Variants in MSH5 observed in about 807,000 individuals in gnomAD.
MSH5 encodes the protein mutS homolog 5.
MSH5 carries 78 observed loss-of-function variants against 107.7 expected under a neutral mutation model. That is an observed-to-expected ratio of 0.72 (90% CI 0.60 to 0.87). The LOEUF (loss-of-function observed/expected upper bound fraction) is 0.87, where lower values mean the gene tolerates loss of function less well. Ranked by LOEUF, MSH5 falls within the 40% of genes least tolerant of loss-of-function variation. The pLI is 0.00. For missense variants in MSH5, 889 were observed against 1,046.6 expected (o/e 0.85, Z 2.08); for synonymous variants, 326 against 399.5 (o/e 0.82, Z 2.19).
rs781722609 is a variant in MSH5, at chr6:31,762,165, AAAG to A, written c.2379_2381del (p.Lys793del). 1.2e-6 allele frequency: 2 copies of A among 1,614,182 alleles called. No homozygotes were observed. The highest frequency in any genetic ancestry group is 1.6e-4 in the Middle Eastern group (1 of 6,062). ...CCATCAAGCCTGTCAAGGATTTGCT[AAAG>A]AAGAACCAAATGGAAAAGTGCGTAT... On this transcript the variant is annotated inframe_deletion, in exon 24 of 25. Coordinates refer to ENST00000375750, the MANE Select transcript of MSH5 (RefSeq NM_172166.4).
At position 31,758,484 on chromosome 6, in the gene MSH5, C is replaced by T; in HGVS notation, c.1144-64C>T. The T allele has an allele frequency of 5.6e-6, 9 of 1,594,404 alleles. No homozygotes were observed. Among genetic ancestry groups the T allele is most frequent in the Non-Finnish European group, 6.9e-6 (8 of 1,163,864 alleles). ...GAGGACTGCAGGGAGAATTGGGGCCCAAGGAGAGCTGAGGAACAGGACAGA... is the reference window on the plus strand; with the variant it reads ...GAGGACTGCAGGGAGAATTGGGGCCTAAGGAGAGCTGAGGAACAGGACAGA... On this transcript the variant is annotated intron_variant, in intron 13 of 24. Transcript: ENST00000375750. This position sits in a 1 kb window ranked among gnomAD's most constrained non-coding sequence, Gnocchi z 5.1.
chr6:31,743,161 G>A lies in MSH5; in HGVS notation c.406G>A (p.Val136Met). 2 of 1,612,888 alleles carry A rather than the reference G, an allele frequency of 1.2e-6. No individual in the cohort carries two copies. Among genetic ancestry groups the A allele is most frequent in the Non-Finnish European group, 1.7e-6 (2 of 1,179,908 alleles). The stretch of plus-strand genomic sequence containing the variant: ...ACCTGAAATCATATTTTTGCCAAGT[G>A]TGGATTTTGGTATCTCCTTCCTTTT... ...KRPEIIFLPSVDFGLEISKQR... is the reference protein window; with the variant it reads ...KRPEIIFLPSMDFGLEISKQR... The change falls in exon 5 of 25, where the codon GTG becomes ATG. Residue 136 changes from valine to methionine, a missense_variant. By Grantham distance (21) the Val-to-Met change is conservative (BLOSUM62 1). This residue lies in a region of MSH5 where 518 missense variants were observed against 565.0 expected (regional missense o/e 0.92). Coordinates refer to ENST00000375750, the MANE Select transcript of MSH5 (RefSeq NM_172166.4).
At chr6:31,762,029 C>T in intron 23 of MSH5, 74 bp downstream of exon 23, 2 of 1,612,364 alleles carry the variant, frequency 1.2e-6, no homozygotes, top group Non-Finnish European at 1.7e-6. Context: ...GGGCCTGGGT[C>T]TAGGTCCACA....
Position 31,759,713 on chromosome 6 carries a change from C to T in MSH5, c.1496-73C>T. 6.5e-7 allele frequency: 1 copy of T among 1,544,418 alleles called. No individual in the cohort carries two copies. Among genetic ancestry groups the T allele is most frequent in the South Asian group, 1.2e-5 (1 of 86,384 alleles). ...GTATCTGCAACCTGTTTCCAGATCC[C>T]CCTAGGGGCCTCTGCCTCTCCTTCA... On this transcript the variant is annotated intron_variant, in intron 17 of 24. Coordinates refer to ENST00000375750, the MANE Select transcript of MSH5 (RefSeq NM_172166.4). The surrounding 1 kb of genome is among the most constrained non-coding windows in gnomAD (Gnocchi z 4.7).
intron 12 of MSH5, chr6:31,757,785 T>G (rs775844438): frequency 6.5e-4 from 178 of 275,146 alleles, no homozygotes; most frequent in Non-Finnish European, 1.0e-3. Context: ...TTCTCCTGCC[T>G]CAGCCTCCCA....
Position 31,743,946 on chromosome 6 carries a change from C to T in MSH5, c.458C>T (p.Ser153Phe). The T allele has an allele frequency of 1.9e-6, 3 of 1,613,668 alleles. No individual in the cohort carries two copies. The highest frequency in any genetic ancestry group is 1.3e-5 in the African/African-American group (1 of 75,046). The stretch of plus-strand genomic sequence containing the variant: ...CAACGCCTCCTTTCTGGAAACTACT[C>T]CTTCATCCCAGACGCCATGACTGCC... Reference protein sequence around the residue: ...SKQRLLSGNYSFIPDAMTATE... With the variant: ...SKQRLLSGNYFFIPDAMTATE... Residue 153 changes from serine (S) to phenylalanine (F), a missense_variant, in exon 6 of 25, where the codon TCC becomes TTC. By Grantham distance (155) the Ser-to-Phe change is radical. Coordinates refer to ENST00000375750, the MANE Select transcript of MSH5 (RefSeq NM_172166.4).
chr6:31,744,459 G>C (rs1809222799), intron 7 of MSH5, 87 bp from the exon 8 acceptor site: 5 of 1,563,242 alleles, frequency 3.2e-6, no homozygotes, highest in Non-Finnish European at 4.4e-6. Flanking sequence ...GAAGAAGACT[G>C]GGACAATATT....
chr6:31,740,498 C>A lies in MSH5; in HGVS notation c.32C>A (p.Thr11Lys). The A allele has an allele frequency of 6.4e-7, 1 of 1,568,782 alleles. No homozygotes were observed. The highest frequency in any genetic ancestry group is 1.4e-5 in the African/African-American group (1 of 73,438). Residue 11 changes from threonine to lysine, a missense_variant, in exon 2 of 25, where the codon ACA becomes AAA. Transcript: ENST00000375750. This position sits in a 1 kb window ranked among gnomAD's most constrained non-coding sequence, Gnocchi z 4.4. ...TCCTTAGGAGCGAACCCAAGGAGGA[C>A]ACCGCAGGGACCGAGACCTGGGGCG... MASLGANPRR[T>K]PQGPRPGAAS... is the part of the protein sequence containing the mutation.
At position 31,743,952 on chromosome 6, in the gene MSH5, T is replaced by A; in HGVS notation, c.464T>A (p.Ile155Asn). Residue 155 changes from isoleucine (I) to asparagine (N), a missense_variant, in exon 6 of 25, where the codon ATC becomes AAC. Physicochemically the swap from Ile to Asn is moderately radical, Grantham distance 149. Around this residue, in one of 3 missense-constraint regions of MSH5, gnomAD observed 518 missense variants for 565.0 expected, o/e 0.92. Transcript: ENST00000375750. ...QRLLSGNYSFIPDAMTATEKI... is the reference protein window; with the variant it reads ...QRLLSGNYSFNPDAMTATEKI... ...CTCCTTTCTGGAAACTACTCCTTCA[T>A]CCCAGACGCCATGACTGCCACTGAG... The A allele has an allele frequency of 6.2e-7, 1 of 1,613,706 alleles. No homozygotes were observed. The highest frequency in any genetic ancestry group is 2.2e-5 in the East Asian group (1 of 44,884).
chr6:31,759,237 G>A lies in MSH5; in HGVS notation c.1407+60G>A, dbSNP rs1810743828. ...GGAAAATGAGTCAGCAGCTGAGGAA[G>A]AGCGTTACTCTACAGCAGCACTGCC... On this transcript the variant is annotated intron_variant, in intron 16 of 24. Transcript: ENST00000375750. This position sits in a 1 kb window ranked among gnomAD's most constrained non-coding sequence, Gnocchi z 4.7. 4 of 1,498,216 alleles carry A rather than the reference G, an allele frequency of 2.7e-6. No homozygotes were observed. Among genetic ancestry groups the A allele is most frequent in the Middle Eastern group, 3.4e-4 (2 of 5,834 alleles). 92.8% of individuals were successfully genotyped at this position (1,498,216 alleles called of 1,614,324 possible). A position where few individuals can be genotyped will look rare whatever the true frequency, so the allele number is the denominator to read the frequency against.
chr6:31,762,569 C>CG lies in MSH5; in HGVS notation c.*40dup. 7.5e-7 allele frequency: 1 copy of CG among 1,333,044 alleles called. No individual in the cohort carries two copies. The highest frequency in any genetic ancestry group is 1.2e-5 in the South Asian group (1 of 84,154). The allele number at this position is 1,333,044 out of a possible 1,614,324, so 82.6% of individuals were successfully genotyped here. A position where few individuals can be genotyped will look rare whatever the true frequency, so the allele number is the denominator to read the frequency against. ...TGTCCTCCCCAGCCTCCTGAGACTC[C>CG]GGTGGGCTGCCATGCCCTCTTTGTT... On this transcript the variant is annotated 3_prime_UTR_variant, in exon 25 of 25. Coordinates refer to ENST00000375750, the MANE Select transcript of MSH5 (RefSeq NM_172166.4).
intron 12 of MSH5, chr6:31,757,046 A>G (rs1581551438): frequency 6.6e-6 from 1 of 152,292 alleles, no homozygotes; most frequent in South Asian, 2.1e-4. Context: ...TGCTGCAGAA[A>G]TGAGCACCCC....
At position 31,752,077 on chromosome 6, in the gene MSH5, C is replaced by T. The variant is rs1468792940; in HGVS notation, c.813-1224C>T. ...TCCCGCCACTGTACCCTAGCCTGGGCGACAGAGCAAGACTCCATCTCAAAA... is the reference window on the plus strand; with the variant it reads ...TCCCGCCACTGTACCCTAGCCTGGGTGACAGAGCAAGACTCCATCTCAAAA... On this transcript the variant is annotated intron_variant, in intron 10 of 24. Coordinates refer to ENST00000375750, the MANE Select transcript of MSH5 (RefSeq NM_172166.4). Among the ~76,000 whole-genome samples the T allele has an allele frequency of 7.2e-5, 11 of 152,020 alleles. No individual in the cohort carries two copies. The East Asian group carries it at 1.7e-3, about 24-fold the overall frequency.
At chr6:31,752,807 T>C (rs913960340) in intron 10 of MSH5, among the ~76,000 whole-genome samples, 1 of 152,032 alleles carries the variant, frequency 6.6e-6, no homozygotes, top group East Asian at 1.9e-4. Flanking sequence ...GTGTTGACCA[T>C]TATTATGAAT....
At position 31,761,204 on chromosome 6, in the gene MSH5, A is replaced by T. The variant is rs1171491067; in HGVS notation, c.1979A>T (p.Asn660Ile). 4.3e-6 allele frequency: 7 copies of T among 1,614,020 alleles called. No homozygotes were observed. In the South Asian group the frequency reaches 7.7e-5, roughly 18 times the overall value. The change falls in exon 21 of 25, where the codon AAC (asparagine) becomes ATC (isoleucine). Residue 660 changes from asparagine to isoleucine, a missense_variant. Physicochemically the swap from Asn to Ile is moderately radical, Grantham distance 149. Coordinates refer to ENST00000375750, the MANE Select transcript of MSH5 (RefSeq NM_172166.4). The surrounding 1 kb of genome is among the most constrained non-coding windows in gnomAD (Gnocchi z 5.3). ...IDLNQVAKAV[N>I]NATAQSLVLI... ...ACCCAGCAGGTGGCGAAAGCAGTGA[A>T]CAATGCCACTGCACAGTCGCTGGTC...
At position 31,761,597 on chromosome 6, in the gene MSH5, G is replaced by T. The variant is rs1811003953; in HGVS notation, c.2163G>T (p.Gly721=). The T allele has an allele frequency of 6.2e-7, 1 of 1,613,986 alleles. No individual in the cohort carries two copies. The highest frequency in any genetic ancestry group is 1.3e-5 in the African/African-American group (1 of 74,928). Residue 721 remains glycine, a synonymous_variant, in exon 22 of 25, where the codon GGG becomes GGT. Coordinates refer to ENST00000375750, the MANE Select transcript of MSH5 (RefSeq NM_172166.4). This position sits in a 1 kb window ranked among gnomAD's most constrained non-coding sequence, Gnocchi z 5.3. ...TTCAGCTACAACTGCTGCCACAAGGGCCCCTGGTGCAGTATTTGGTGAGGA... is the reference window on the plus strand; with the variant it reads ...TTCAGCTACAACTGCTGCCACAAGGTCCCCTGGTGCAGTATTTGGTGAGGA... The part of the protein sequence containing the change: ...SLVQLQLLPQ[G]PLVQYLTMET...
At chr6:31,750,883 G>T (rs961467092) in intron 10 of MSH5, among the ~76,000 whole-genome samples, 3 of 152,198 alleles carry the variant, frequency 2.0e-5, no homozygotes, top group Non-Finnish European at 4.4e-5. Context: ...ATGTAGAAAA[G>T]AATTTGTGGG....
Position 31,741,369 on chromosome 6 carries a change from AC to A in MSH5, c.271+84del, listed in dbSNP as rs1486151074. 1.9e-3 allele frequency: 2,421 copies of A among 1,307,166 alleles called. 50 individuals carry two copies. In the East Asian group the frequency reaches 0.056, roughly 30 times the overall value. The allele number at this position is 1,307,166 out of a possible 1,614,324, so 81.0% of individuals were successfully genotyped here. On this transcript the variant is annotated intron_variant, in intron 3 of 24. Coordinates refer to ENST00000375750, the MANE Select transcript of MSH5 (RefSeq NM_172166.4). ...CACACACACACACACACACACACAC[AC>A]ACACACACACACATATTTTTTTTTT...
intron 9 of MSH5, chr6:31,746,425 C>T (rs1332308586): frequency 6.6e-6 from 1 of 150,726 alleles, no homozygotes; most frequent in Non-Finnish European, 1.5e-5. Flanking sequence ...GTGTGTTGGG[C>T]TCTTGAGTTT....
Sources: gnomAD v4.1 joint callset for allele counts (sites outside exome capture counted in the v4.1 genomes callset) on GRCh38, gnomAD v4.1.1 for gene constraint, gnomAD v4.1.1 regional missense constraint, Gnocchi (gnomAD v3.1) non-coding constraint, MANE v1.5 for transcripts, NCBI Gene and HGNC (gene_info 2026-07-23, HGNC 2026-07-21) for gene names.